CSMD1: variants seen among roughly 807,000 people sequenced by gnomAD.
CSMD1 encodes CUB and Sushi multiple domains 1.
In CSMD1, 213 loss-of-function variants were observed where a neutral mutation model predicts 417.5. The observed-to-expected ratio is 0.51, with a 90% CI of 0.46 to 0.57. The LOEUF is 0.57. CSMD1 is among the 20% of genes least tolerant of loss of function. The pLI is 0.00. For synonymous variants in CSMD1, 2,862 were observed against 1,736.8 expected, an observed-to-expected ratio of 1.65 and a Z score of -16.11; for missense variants, 6,923 against 4,529.7, an observed-to-expected ratio of 1.53 and a Z score of -15.17.
chr8:4,389,235 C>T (rs1803679698), intron 3 of CSMD1, among the ~76,000 whole-genome samples: 1 of 152,132 alleles, frequency 6.6e-6, no homozygotes, highest in African/African-American at 2.4e-5. Flanking sequence ...ACTTTCTCTC[C>T]TCTTTGGGTC....
chr8:4,937,401 C>G (rs1157292895), intron 1 of CSMD1, among the ~76,000 whole-genome samples: 1 of 152,126 alleles, frequency 6.6e-6, no homozygotes, highest in Admixed American at 6.5e-5. Context: ...GGAAATATGA[C>G]AGGTTGAAGA....
At chr8:4,268,875 A>G (rs1804392275) in intron 3 of CSMD1, among the ~76,000 whole-genome samples, 2 of 152,230 alleles carry the variant, frequency 1.3e-5, no homozygotes, top group East Asian at 3.8e-4. Context: ...CTTTCCACAT[A>G]GAATGTTTAT....
chr8:4,119,052 G>A (rs533882519), intron 3 of CSMD1, among the ~76,000 whole-genome samples: 5 of 152,130 alleles, frequency 3.3e-5, no homozygotes, highest in South Asian at 2.1e-4. Context: ...GAGAACACAC[G>A]GACACAGGGA....
At chr8:3,650,723 C>G (rs1025081275) in intron 7 of CSMD1, among the ~76,000 whole-genome samples, 5 of 152,178 alleles carry the variant, frequency 3.3e-5, no homozygotes, top group Non-Finnish European at 1.5e-5. Flanking sequence ...GCATCAACGA[C>G]TCAATTCGAT....
At chr8:4,014,855 G>C (rs1439795374) in intron 4 of CSMD1, among the ~76,000 whole-genome samples, 4 of 152,098 alleles carry the variant, frequency 2.6e-5, no homozygotes, top group Admixed American at 2.6e-4. Context: ...AATAATTTTA[G>C]AAATACTACA....
intron 5 of CSMD1, among the ~76,000 whole-genome samples, chr8:3,837,378 G>T (rs1423049734): frequency 6.6e-6 from 1 of 152,130 alleles, no homozygotes; most frequent in African/African-American, 2.4e-5. Flanking sequence ...TAAATGGTCT[G>T]CAGAAAATTG....
intron 7 of CSMD1, among the ~76,000 whole-genome samples, chr8:3,665,448 G>C (rs376303852): frequency 5.9e-5 from 9 of 152,278 alleles, no homozygotes; most frequent in African/African-American, 1.9e-4. Flanking sequence ...AGAATTGCTT[G>C]AACCCGGGAG....
rs1401169525 is a variant in CSMD1, at chr8:3,822,945, C to G, written c.819-68903G>C. Among the ~76,000 whole-genome samples, 3 of 152,108 alleles carry G rather than the reference C, an allele frequency of 2.0e-5. No individual in the cohort carries two copies. In the East Asian group the frequency reaches 5.8e-4, roughly 29 times the overall value. Reference sequence around the variant, plus strand: ...GACTGTTTGGTATTCTATCCCTGGGCTAAGAAAAGTTGAATCAACTTTTTT... The same window carrying G: ...GACTGTTTGGTATTCTATCCCTGGGGTAAGAAAAGTTGAATCAACTTTTTT... On this transcript the variant is annotated intron_variant, in intron 5 of 69. Coordinates refer to ENST00000635120, the MANE Select transcript of CSMD1 (RefSeq NM_033225.6).
intron 11 of CSMD1, among the ~76,000 whole-genome samples, chr8:3,483,116 C>A (rs113344366): frequency 6.6e-6 from 1 of 151,682 alleles, no homozygotes; most frequent in Non-Finnish European, 1.5e-5. Context: ...AGGAAGAGTG[C>A]GATAGAGGTC....
chr8:3,855,252 A>G (rs1014215224), intron 5 of CSMD1, among the ~76,000 whole-genome samples: 1 of 152,198 alleles, frequency 6.6e-6, no homozygotes, highest in Admixed American at 6.5e-5. Context: ...ATAACCATAG[A>G]TTTTTACTAT....
At chr8:3,347,936 A>G (rs1009017341) in intron 22 of CSMD1, 56 bp downstream of exon 22, 2 of 1,228,510 alleles carry the variant, frequency 1.6e-6, no homozygotes, top group Non-Finnish European at 2.3e-6. Flanking sequence ...TAGATAGACA[A>G]TGTATTTTTT....
In CSMD1 at chr8:3,796,869, C is replaced by T. The variant is rs542738447; in HGVS notation, c.819-42827G>A. Among the ~76,000 whole-genome samples the T allele has an allele frequency of 3.3e-5, 5 of 151,592 alleles. No homozygotes were observed. In the South Asian group the frequency reaches 8.3e-4, roughly 25 times the overall value. ...TTGTCAACATTTCATTCTATTGTTT[C>T]TACAAAAATGGAAATTCCTCACGGT... On this transcript the variant is annotated intron_variant, in intron 5 of 69. Transcript: ENST00000635120.
chr8:3,950,487 C>T (rs1811529463), intron 5 of CSMD1, among the ~76,000 whole-genome samples: 1 of 152,178 alleles, frequency 6.6e-6, no homozygotes, highest in Admixed American at 6.5e-5. Flanking sequence ...ACATAACACG[C>T]CCCTTTACTT....
rs192063382 is a variant in CSMD1 at position 3,930,856 on chromosome 8, G to A, written c.818+67047C>T. Among the ~76,000 whole-genome samples, 48 of 150,740 alleles carry A rather than the reference G, an allele frequency of 3.2e-4. 3 individuals are homozygous for A. The East Asian group carries it at 8.5e-3, about 27-fold the overall frequency. ...AAATAAAGTAATAGATATCTTAATA[G>A]TTAACTTACATTTTAGTCTAGTTTT... On this transcript the variant is annotated intron_variant, in intron 5 of 69. Transcript: ENST00000635120.
intron 3 of CSMD1, among the ~76,000 whole-genome samples, chr8:4,049,547 CCT>C (rs1798315053): frequency 6.6e-6 from 1 of 151,926 alleles, no homozygotes; most frequent in Non-Finnish European, 1.5e-5. Context: ...CAACCTCTTA[CCT>C]GACTTCTAGA....
At chr8:2,962,403 G>A in intron 61 of CSMD1, 63 bp downstream of exon 61, 1 of 1,438,986 alleles carries the variant, frequency 6.9e-7, no homozygotes, top group African/African-American at 1.4e-5. Context: ...CCCAATTTCG[G>A]AATGAAGCGT....
intron 21 of CSMD1, among the ~76,000 whole-genome samples, chr8:3,356,075 C>T (rs982656915): frequency 6.6e-6 from 1 of 152,180 alleles, no homozygotes; most frequent in Non-Finnish European, 1.5e-5. Context: ...CTCAGATGCT[C>T]ACTAGAAATT....
chr8:3,510,715 A>G lies in CSMD1; in HGVS notation c.1345-16989T>C, dbSNP rs1042726189. Reference sequence around the variant, plus strand: ...TGATTGCCATTCTAACTGGTGTGAGATGGTATCTCATTGTGGTTTTGATTT... The same window carrying G: ...TGATTGCCATTCTAACTGGTGTGAGGTGGTATCTCATTGTGGTTTTGATTT... On this transcript the variant is annotated intron_variant, in intron 10 of 69. Coordinates refer to ENST00000635120, the MANE Select transcript of CSMD1 (RefSeq NM_033225.6). 4.6e-5 allele frequency among the ~76,000 whole-genome samples: 7 copies of G among 151,858 alleles called. 1 individual carries two copies. Among genetic ancestry groups the G allele is most frequent in the African/African-American group, 1.7e-4 (7 of 41,120 alleles).
chr8:4,565,515 T>G (rs1461936184), intron 2 of CSMD1, among the ~76,000 whole-genome samples: 1 of 151,916 alleles, frequency 6.6e-6, no homozygotes, highest in Non-Finnish European at 1.5e-5. Context: ...AGGTGGGCGA[T>G]CACAAGGTCA....
Sources: allele counts gnomAD v4.1 joint callset (sites outside exome capture counted in the v4.1 genomes callset), GRCh38; gene constraint gnomAD v4.1.1; transcripts MANE v1.5; gene names NCBI Gene and HGNC (gene_info 2026-07-23, HGNC 2026-07-21).